Variants in UMAD1 observed in about 807,000 individuals in gnomAD.
The protein encoded by UMAD1 is UBAP1-MVB12-associated (UMA) domain containing 1.
In UMAD1, 8 loss-of-function variants were observed where a neutral mutation model predicts 6.1. That is an observed-to-expected ratio of 1.30 (90% CI 0.76 to 2.35). UMAD1 has a LOEUF of 2.35. Among genes scored for constraint, UMAD1 ranks in the 30% most tolerant of loss-of-function variants. The pLI is 0.00. For synonymous variants in UMAD1, 56 were observed against 31.4 expected (o/e 1.78, Z -2.61); for missense variants, 130 against 78.4 (o/e 1.66, Z -2.49).
At chr7:7,735,800 A>G (rs988076006) in intron 2 of UMAD1, 1 of 152,276 alleles carries the variant, frequency 6.6e-6, no homozygotes, top group Admixed American at 6.5e-5. Context: ...GTTTCCCCGA[A>G]GTCAGCCTCA....
At chr7:7,705,861 GTAA>G (rs1003645757) in intron 2 of UMAD1, among the ~76,000 whole-genome samples, 4 of 152,126 alleles carry the variant, frequency 2.6e-5, no homozygotes, top group East Asian at 1.9e-4. Flanking sequence ...TGGGGAGGTT[GTAA>G]ATGGGGGAGG....
intron 3 of UMAD1, among the ~76,000 whole-genome samples, chr7:7,822,932 T>A (rs1231311674): frequency 6.6e-6 from 1 of 152,140 alleles, no homozygotes; most frequent in African/African-American, 2.4e-5. Context: ...TGCCTCTATA[T>A]TTTTATGGGC....
At chr7:7,781,380 T>C (rs6463719) in intron 2 of UMAD1, among the ~76,000 whole-genome samples, 66,986 of 151,758 alleles carry the variant, frequency 0.44, 14,890 homozygotes, top group Non-Finnish European at 0.48. Context: ...TCTTTTTTTT[T>C]TAGTGGAAAT....
intron 2 of UMAD1, among the ~76,000 whole-genome samples, chr7:7,690,151 T>C (rs1482055410): frequency 1.3e-5 from 2 of 152,212 alleles, no homozygotes; most frequent in African/African-American, 2.4e-5. Context: ...AGCTATGTTA[T>C]TAAGTCAGCA....
intron 1 of UMAD1, among the ~76,000 whole-genome samples, chr7:7,650,229 T>A (rs1243766342): frequency 6.6e-6 from 1 of 152,252 alleles, no homozygotes; most frequent in Non-Finnish European, 1.5e-5. Flanking sequence ...TGCCTAGACA[T>A]TATTATTGCT....
At chr7:7,826,204 A>C (rs1446409371) in intron 3 of UMAD1, among the ~76,000 whole-genome samples, 16 of 152,138 alleles carry the variant, frequency 1.1e-4, no homozygotes, top group Non-Finnish European at 2.2e-4. Flanking sequence ...GGCCTTAACA[A>C]AACAGGGGTT....
In UMAD1 at chr7:7,824,346, T is replaced by C. The variant is rs115037062; in HGVS notation, c.156+22603T>C. ...TCTAATTAATTCCCCCTTCTTTTAC[T>C]TCTTCCTCAGTGCTCAATGCTACAG... On this transcript the variant is annotated intron_variant, in intron 3 of 3. Transcript: ENST00000682710. Among the ~76,000 whole-genome samples the C allele has an allele frequency of 6.1e-3, 927 of 152,286 alleles. 13 individuals carry two copies. Among genetic ancestry groups the C allele is most frequent in the African/African-American group, 0.021 (881 of 41,556 alleles).
intron 3 of UMAD1, among the ~76,000 whole-genome samples, chr7:7,835,387 CTT>C (rs774795829): frequency 1.9e-3 from 107 of 56,014 alleles, no homozygotes; most frequent in African/African-American, 3.6e-3. Context: ...CTTCTGCTTT[CTT>C]TTTTTTTTTT....
chr7:7,854,888 TG>T, intron 3 of UMAD1, among the ~76,000 whole-genome samples: 1 of 152,118 alleles, frequency 6.6e-6, no homozygotes, highest in East Asian at 1.9e-4. Context: ...CTAGATACAA[TG>T]GGGGTACAGG....
intron 1 of UMAD1, among the ~76,000 whole-genome samples, chr7:7,645,798 G>A (rs551410848): frequency 4.9e-4 from 73 of 148,256 alleles, no homozygotes; most frequent in African/African-American, 1.7e-3. Flanking sequence ...GATTTGATTT[G>A]CTGTTGTTTT....
intron 3 of UMAD1, among the ~76,000 whole-genome samples, chr7:7,836,990 C>A (rs1396234630): frequency 1.3e-5 from 2 of 151,278 alleles, no homozygotes; most frequent in African/African-American, 4.9e-5. Flanking sequence ...TTTAGAAAGC[C>A]CCCCAAACAC....
chr7:7,745,878 T>C (rs772429031), intron 2 of UMAD1, among the ~76,000 whole-genome samples: 4 of 152,166 alleles, frequency 2.6e-5, no homozygotes, highest in Non-Finnish European at 5.9e-5. Context: ...TGTCTTTTCC[T>C]GGGCTGTTTC....
intron 3 of UMAD1, among the ~76,000 whole-genome samples, chr7:7,802,829 A>G (rs576817988): frequency 1.3e-5 from 2 of 152,366 alleles, no homozygotes; most frequent in East Asian, 3.9e-4. Context: ...AGTCAGTACA[A>G]TCATGAGTAA....
At chr7:7,647,387 G>C (rs761935641) in intron 1 of UMAD1, among the ~76,000 whole-genome samples, 1 of 152,060 alleles carries the variant, frequency 6.6e-6, no homozygotes, top group Non-Finnish European at 1.5e-5. Context: ...ATTATGTGAG[G>C]CTTGCTTTAA....
At chr7:7,777,825 G>A (rs1782250395) in intron 2 of UMAD1, among the ~76,000 whole-genome samples, 1 of 152,014 alleles carries the variant, frequency 6.6e-6, no homozygotes, top group Admixed American at 6.5e-5. Flanking sequence ...ATATAGTTAA[G>A]GGGGAAATAC....
intron 2 of UMAD1, among the ~76,000 whole-genome samples, chr7:7,745,863 A>C (rs1781563509): frequency 6.6e-6 from 1 of 151,710 alleles, no homozygotes; most frequent in Non-Finnish European, 1.5e-5. Context: ...TTGATTCCTT[A>C]TTCTTGTCTT....
At chr7:7,868,028 A>G (rs1328366872) in intron 3 of UMAD1, among the ~76,000 whole-genome samples, 3 of 152,076 alleles carry the variant, frequency 2.0e-5, no homozygotes, top group Non-Finnish European at 4.4e-5. Flanking sequence ...CCCACCTGCC[A>G]GCAGCGAGGA....
At chr7:7,819,052 G>T (rs866090540) in intron 3 of UMAD1, among the ~76,000 whole-genome samples, 1 of 152,104 alleles carries the variant, frequency 6.6e-6, no homozygotes, top group South Asian at 2.1e-4. Flanking sequence ...TTTTCACCAT[G>T]TTGGCTAGGC....
chr7:7,854,355 C>CA (rs34829393), intron 3 of UMAD1, among the ~76,000 whole-genome samples: 13,103 of 48,986 alleles, frequency 0.27, 2,474 homozygotes, highest in African/African-American at 0.31. Context: ...AGCTCCATCT[C>CA]AAAAAAAAAA....
Sources: allele counts gnomAD v4.1 joint callset (sites outside exome capture counted in the v4.1 genomes callset), GRCh38; gene constraint gnomAD v4.1.1; transcripts MANE v1.5; gene names NCBI Gene and HGNC (gene_info 2026-07-23, HGNC 2026-07-21).